PACRG: variants seen among roughly 807,000 people sequenced by gnomAD.
PACRG encodes parkin coregulated gene protein.
In PACRG, 29 loss-of-function variants were observed where a neutral mutation model predicts 29.7. That is an observed-to-expected ratio of 0.98 (90% CI 0.73 to 1.33). The LOEUF (loss-of-function observed/expected upper bound fraction) is 1.33, where lower values mean the gene tolerates loss of function less well. Ranked by LOEUF, PACRG falls within the 40% of genes most tolerant of loss-of-function variation. PACRG has a pLI of 0.00. For synonymous variants in PACRG, 116 were observed against 118.7 expected, an observed-to-expected ratio of 0.98 and a Z score of 0.15; for missense variants, 279 against 316.2, an observed-to-expected ratio of 0.88 and a Z score of 0.89.
At chr6:162,809,484 A>G (rs1262077271) in intron 1 of PACRG, among the ~76,000 whole-genome samples, 1 of 152,182 alleles carries the variant, frequency 6.6e-6, no homozygotes, top group African/African-American at 2.4e-5. Context: ...AGGGTACATG[A>G]AAATTTATTG....
intron 4 of PACRG, among the ~76,000 whole-genome samples, chr6:163,271,491 A>G (rs1783830637): frequency 1.3e-5 from 2 of 152,182 alleles, no homozygotes; most frequent in South Asian, 4.1e-4. Context: ...GGACTTGCCT[A>G]GATCTTTTGT....
intron 2 of PACRG, among the ~76,000 whole-genome samples, chr6:162,987,625 T>G (rs1244886346): frequency 6.6e-6 from 1 of 152,180 alleles, no homozygotes; most frequent in Admixed American, 6.6e-5. Flanking sequence ...CCGCCATGAT[T>G]ATGAAGCTTC....
At chr6:163,300,001 G>C (rs1330745362) in intron 4 of PACRG, among the ~76,000 whole-genome samples, 1 of 152,238 alleles carries the variant, frequency 6.6e-6, no homozygotes, top group Non-Finnish European at 1.5e-5. Flanking sequence ...TCCCAGTACA[G>C]ATATTTCCAA....
rs533228372 is a variant in PACRG at position 163,065,046 on chromosome 6, C to G, written c.463+2725C>G. Among the ~76,000 whole-genome samples, 168 of 152,180 alleles carry G rather than the reference C, an allele frequency of 1.1e-3. 1 individual carries two copies. Among genetic ancestry groups the G allele is most frequent in the African/African-American group, 3.9e-3 (162 of 41,520 alleles). ...TAATATGATAACAAACAAGAATCCA[C>G]CGTTCTTTCTCCTACTGCTGCTTGG... On this transcript the variant is annotated intron_variant, in intron 3 of 4. Transcript: ENST00000366888.
At chr6:162,754,494 TCCTTTTATTG>T (rs1781745265) in intron 1 of PACRG, among the ~76,000 whole-genome samples, 1 of 152,218 alleles carries the variant, frequency 6.6e-6, no homozygotes, top group Non-Finnish European at 1.5e-5. Flanking sequence ...ATTTTGCTTT[TCCTTTTATTG>T]CCTGTGCTTT....
intron 2 of PACRG, among the ~76,000 whole-genome samples, chr6:163,001,339 A>G (rs559808900): frequency 3.3e-5 from 5 of 152,354 alleles, no homozygotes; most frequent in Admixed American, 1.3e-4. Flanking sequence ...CTAGGATCCA[A>G]TAAACCTGCT....
chr6:163,226,961 G>A (rs891011063), intron 4 of PACRG, among the ~76,000 whole-genome samples: 1 of 152,194 alleles, frequency 6.6e-6, no homozygotes, highest in Non-Finnish European at 1.5e-5. Context: ...TCATGTGTGA[G>A]ATATGCCTCC....
intron 2 of PACRG, among the ~76,000 whole-genome samples, chr6:162,836,730 T>C (rs1222758029): frequency 2.6e-5 from 4 of 152,202 alleles, no homozygotes; most frequent in African/African-American, 9.6e-5. Context: ...TTTAAAAGAG[T>C]GTTTTCTTAG....
chr6:162,899,733 A>G (rs772765309), intron 2 of PACRG, among the ~76,000 whole-genome samples: 6 of 152,228 alleles, frequency 3.9e-5, no homozygotes, highest in Non-Finnish European at 7.3e-5. Context: ...GCATGGCAAG[A>G]AATCACTGGA....
intron 2 of PACRG, among the ~76,000 whole-genome samples, chr6:162,903,380 G>A (rs534166112): frequency 3.9e-5 from 6 of 152,076 alleles, no homozygotes; most frequent in Non-Finnish European, 8.8e-5. Flanking sequence ...CTGTTTTCAC[G>A]CTGCTGATAT....
In PACRG at chr6:163,314,984, C is replaced by T. The variant is rs60454188; in HGVS notation, c.771C>T (p.Asn257=). 3.0e-3 allele frequency: 4,803 copies of T among 1,612,908 alleles called. 116 individuals are homozygous for T. In the African/African-American group the frequency reaches 0.055, roughly 19 times the overall value. ...VVPTYESCLL[N] is the part of the protein sequence containing the mutation. Reference sequence around the variant, plus strand: ...CAACCTACGAGTCTTGCTTGCTAAACTAACAGTGGCAGCAGCTGGGACTTG... The same window carrying T: ...CAACCTACGAGTCTTGCTTGCTAAATTAACAGTGGCAGCAGCTGGGACTTG... Residue 257 remains asparagine (N), a synonymous_variant, in exon 5 of 5, where the codon AAC becomes AAT. Transcript: ENST00000366888.
At chr6:163,046,591 G>A (rs1222376319) in intron 2 of PACRG, 1 of 152,026 alleles carries the variant, frequency 6.6e-6, no homozygotes, top group East Asian at 2.0e-4. Context: ...TACCAGTGAT[G>A]GCTTTGAACC....
chr6:162,805,570 C>A (rs1786249401), intron 1 of PACRG, among the ~76,000 whole-genome samples: 1 of 152,128 alleles, frequency 6.6e-6, no homozygotes, highest in Admixed American at 6.5e-5. Context: ...TGAAAGATTT[C>A]TCTGTAGCAT....
chr6:163,083,836 G>T (rs1375090657), intron 3 of PACRG, among the ~76,000 whole-genome samples: 2 of 151,994 alleles, frequency 1.3e-5, no homozygotes, highest in Non-Finnish European at 2.9e-5. Flanking sequence ...AGAAGAAGCA[G>T]AAATGTTTCC....
intron 2 of PACRG, among the ~76,000 whole-genome samples, chr6:162,919,602 C>T (rs1796927936): frequency 6.6e-6 from 1 of 152,158 alleles, no homozygotes; most frequent in Admixed American, 6.5e-5. Flanking sequence ...ACAGATGTAA[C>T]AGACAAGGGT....
intron 1 of PACRG, among the ~76,000 whole-genome samples, chr6:162,774,939 C>T (rs562737174): frequency 2.2e-4 from 34 of 152,160 alleles, no homozygotes; most frequent in Non-Finnish European, 3.4e-4. Context: ...TCAGTGAGCA[C>T]GGTGCTCTGC....
intron 4 of PACRG, among the ~76,000 whole-genome samples, chr6:163,267,007 C>G (rs929758569): frequency 1.3e-5 from 2 of 152,190 alleles, no homozygotes; most frequent in African/African-American, 4.8e-5. Context: ...GGCCAGAGAA[C>G]CAGGGCCAGG....
chr6:163,228,244 G>A (rs1781883717), intron 4 of PACRG, among the ~76,000 whole-genome samples: 1 of 152,034 alleles, frequency 6.6e-6, no homozygotes, highest in Non-Finnish European at 1.5e-5. Context: ...TCAAATGAGA[G>A]CAAGTTGAAG....
In PACRG at chr6:163,040,595, T is replaced by A. The variant is rs1042634860; in HGVS notation, c.292-21555T>A. Among the ~76,000 whole-genome samples, 4 of 152,344 alleles carry A rather than the reference T, an allele frequency of 2.6e-5. No individual in the cohort carries two copies. In the East Asian group the frequency reaches 7.7e-4, roughly 29 times the overall value. On this transcript the variant is annotated intron_variant, in intron 2 of 4. Coordinates refer to ENST00000366888, the MANE Select transcript of PACRG (RefSeq NM_001080379.2). ...CCCTGCAGAGTCACAGGGGTGGAGCTGCCTAAGGCCATGGGAGCCCACCTC... is the reference window on the plus strand; with the variant it reads ...CCCTGCAGAGTCACAGGGGTGGAGCAGCCTAAGGCCATGGGAGCCCACCTC...
Sources: allele counts gnomAD v4.1 joint callset (sites outside exome capture counted in the v4.1 genomes callset), GRCh38; gene constraint gnomAD v4.1.1; transcripts MANE v1.5; gene names NCBI Gene and HGNC (gene_info 2026-07-23, HGNC 2026-07-21).